Variants in SLC25A4 observed in about 807,000 individuals in gnomAD.
SLC25A4 encodes the protein solute carrier family 25 member 4.
A neutral mutation model predicts 24.7 loss-of-function variants in SLC25A4; 10 were observed. That is an observed-to-expected ratio of 0.41 (90% CI 0.25 to 0.69). The LOEUF is 0.69. Among genes scored for constraint, SLC25A4 ranks in the 30% least tolerant of loss-of-function variants. The pLI, the probability that SLC25A4 is intolerant of heterozygous loss-of-function variation, is 0.35. For synonymous variants in SLC25A4, 125 were observed against 153.3 expected (o/e 0.82, Z 1.36); for missense variants, 273 against 387.6 (o/e 0.70, Z 2.48).
In SLC25A4 at chr4:185,144,920, G is replaced by C. The variant is rs1734410437; in HGVS notation, c.268G>C (p.Ala90Pro). ...CTTCCCCACCCAAGCTCTCAACTTC[G>C]CCTTCAAGGACAAGTACAAGCAGCT... ...RYFPTQALNF[A>P]FKDKYKQLFL... The change falls in exon 2 of 4, where the codon GCC becomes CCC. Residue 90 changes from alanine (A) to proline (P), a missense_variant. Transcript: ENST00000281456. The C allele has an allele frequency of 6.2e-7, 1 of 1,614,038 alleles. No homozygotes were observed. Among genetic ancestry groups the C allele is most frequent in the Non-Finnish European group, 8.5e-7 (1 of 1,180,034 alleles).
chr4:185,144,491 T>C (rs1415712581), intron 1 of SLC25A4, among the ~76,000 whole-genome samples: 1 of 152,208 alleles, frequency 6.6e-6, no homozygotes. Context: ...TATAGCTTTA[T>C]ATAATTCAAT....
Position 185,146,859 on chromosome 4 carries a change from C to T in SLC25A4, c.785C>T (p.Ala262Val). 6.2e-7 allele frequency: 1 copy of T among 1,614,192 alleles called. No homozygotes were observed. Among genetic ancestry groups the T allele is most frequent in the Non-Finnish European group, 8.5e-7 (1 of 1,180,042 alleles). Residue 262 changes from alanine (A) to valine (V), a missense_variant, in exon 4 of 4, where the codon GCA becomes GTA. Physicochemically the swap from Ala to Val is moderately conservative, Grantham distance 64. Coordinates refer to ENST00000281456, the MANE Select transcript of SLC25A4 (RefSeq NM_001151.4). ...TGTVDCWRKI[A>V]KDEGAKAFFK... is the part of the protein sequence containing the mutation. ...ACAGTTGACTGCTGGAGGAAGATTG[C>T]AAAAGACGAAGGAGCCAAGGCCTTC...
At chr4:185,143,725 A>G (rs1243078551) in intron 1 of SLC25A4, among the ~76,000 whole-genome samples, 3 of 151,132 alleles carry the variant, frequency 2.0e-5, no homozygotes, top group East Asian at 2.0e-4. Flanking sequence ...GTGTCTATAT[A>G]TGGAAACCCA....
At position 185,149,437 on chromosome 4, in the gene SLC25A4, C is replaced by A. The variant is rs142255349; in HGVS notation, c.*2466C>A. 6.4e-4 allele frequency: 97 copies of A among 152,404 alleles called. No individual in the cohort carries two copies. Among genetic ancestry groups the A allele is most frequent in the Middle Eastern group, 6.7e-3 (2 of 298 alleles). 9.4% of individuals were successfully genotyped at this position (152,404 alleles called of 1,614,324 possible). ...CATGTGACCCAGATGTCAGCCCTTC[C>A]GCTTCCTGCGAAGGTTACCTCTAAT... On this transcript the variant is annotated 3_prime_UTR_variant, in exon 4 of 4. Coordinates refer to ENST00000281456, the MANE Select transcript of SLC25A4 (RefSeq NM_001151.4).
In SLC25A4 at chr4:185,145,066, G is replaced by A. The variant is rs762235718; in HGVS notation, c.414G>A (p.Arg138=). The change falls in exon 2 of 4, where the codon AGG becomes AGA. Residue 138 remains arginine, a synonymous_variant. Coordinates refer to ENST00000281456, the MANE Select transcript of SLC25A4 (RefSeq NM_001151.4). This position sits in a 1 kb window ranked among gnomAD's most constrained non-coding sequence, Gnocchi z 5.5. ...TTGTCTACCCGCTGGACTTTGCTAG[G>A]ACCAGGTTGGCTGCTGATGTGGGCA... is the stretch of plus-strand genomic sequence containing the variant. ...LCFVYPLDFA[R]TRLAADVGKG... is the part of the protein sequence containing the mutation. The A allele has an allele frequency of 9.9e-6, 16 of 1,613,914 alleles. No individual in the cohort carries two copies. The highest frequency in any genetic ancestry group is 1.3e-5 in the Non-Finnish European group (15 of 1,179,936).
In SLC25A4 at chr4:185,143,337, G is replaced by T. The variant is rs1422672694; in HGVS notation, c.-36G>T. ...GCCGGGCGTGGGCGAGAGCACGAAC[G>T]GGCTGCCTGCGGGCTGAGAGCGTCG... On this transcript the variant is annotated 5_prime_UTR_variant, in exon 1 of 4. Transcript: ENST00000281456. The T allele has an allele frequency of 3.8e-6, 5 of 1,310,530 alleles. No individual in the cohort carries two copies. Among genetic ancestry groups the T allele is most frequent in the Non-Finnish European group, 5.3e-6 (5 of 941,420 alleles). The allele number at this position is 1,310,530 out of a possible 1,614,324, so 81.2% of individuals were successfully genotyped here.
At position 185,145,325 on chromosome 4, in the gene SLC25A4, C is replaced by T. The variant is rs1488607030; in HGVS notation, c.598+75C>T. The T allele has an allele frequency of 2.5e-6, 4 of 1,601,790 alleles. No homozygotes were observed. The highest frequency in any genetic ancestry group is 2.2e-5 in the East Asian group (1 of 44,864). On this transcript the variant is annotated intron_variant, in intron 2 of 3. Coordinates refer to ENST00000281456, the MANE Select transcript of SLC25A4 (RefSeq NM_001151.4). This position sits in a 1 kb window ranked among gnomAD's most constrained non-coding sequence, Gnocchi z 5.5. ...TATGGGATCTATAACTCACAAAGGA[C>T]CTGATATATATTGATCTTGTTTTTT...
At position 185,147,804 on chromosome 4, in the gene SLC25A4, C is replaced by T. The variant is rs1734469560; in HGVS notation, c.*833C>T. 2 of 151,978 alleles carry T rather than the reference C, an allele frequency of 1.3e-5. No individual in the cohort carries two copies. The allele number at this position is 151,978 out of a possible 1,614,324, so 9.4% of individuals were successfully genotyped here. On this transcript the variant is annotated 3_prime_UTR_variant, in exon 4 of 4. Coordinates refer to ENST00000281456, the MANE Select transcript of SLC25A4 (RefSeq NM_001151.4). ...GACCAGCCTGGCCAACCGAGCGAAA[C>T]CCCATCTCTAATAAAAATACAAAAA...
rs1027593180 is a variant in SLC25A4 at position 185,147,609 on chromosome 4, T to C, written c.*638T>C. ...AAATCACAATCTGGAGAATTTTCTATGATTAGGAAGTGCTCTGTTTTCATC... is the reference window on the plus strand; with the variant it reads ...AAATCACAATCTGGAGAATTTTCTACGATTAGGAAGTGCTCTGTTTTCATC... On this transcript the variant is annotated 3_prime_UTR_variant, in exon 4 of 4. Coordinates refer to ENST00000281456, the MANE Select transcript of SLC25A4 (RefSeq NM_001151.4). The C allele has an allele frequency of 2.6e-5, 4 of 152,908 alleles. No homozygotes were observed. Among genetic ancestry groups the C allele is most frequent in the African/African-American group, 7.2e-5 (3 of 41,468 alleles). The allele number at this position is 152,908 out of a possible 1,614,324, so 9.5% of individuals were successfully genotyped here. A position where few individuals can be genotyped will look rare whatever the true frequency, so the allele number is the denominator to read the frequency against.
At chr4:185,143,584 T>G in intron 1 of SLC25A4, 101 bp downstream of exon 1, 1 of 274,620 alleles carries the variant, frequency 3.6e-6, no homozygotes, top group Non-Finnish European at 5.6e-6. Context: ...GCGGAAAATC[T>G]GCGCCAGGCC....
rs1203398390 is a variant in SLC25A4 at position 185,146,953 on chromosome 4, G to A, written c.879G>A (p.Glu293=). 3.1e-6 allele frequency: 5 copies of A among 1,614,012 alleles called. No homozygotes were observed. Among genetic ancestry groups the A allele is most frequent in the East Asian group, 2.2e-5 (1 of 44,880 alleles). The change falls in exon 4 of 4, where the codon GAG becomes GAA. Residue 293 remains glutamate, a synonymous_variant. Transcript: ENST00000281456. ...GGAFVLVLYD[E]IKKYV is the part of the protein sequence containing the mutation. ...CTTTTGTATTGGTGTTGTATGATGA[G>A]ATCAAAAAATATGTCTAATGTAATT...
Position 185,147,226 on chromosome 4 carries a change from T to C in SLC25A4, c.*255T>C, listed in dbSNP as rs1171557237. 1.4e-5 allele frequency: 6 copies of C among 422,776 alleles called. No homozygotes were observed. The highest frequency in any genetic ancestry group is 6.4e-5 in the South Asian group (2 of 31,336). The allele number at this position is 422,776 out of a possible 1,614,324, so 26.2% of individuals were successfully genotyped here. A position where few individuals can be genotyped will look rare whatever the true frequency, so the allele number is the denominator to read the frequency against. ...CATACTTGTACAATTAACTGAAGAA[T>C]TGATAATAACTGAATGTGAAACATC... On this transcript the variant is annotated 3_prime_UTR_variant, in exon 4 of 4. Transcript: ENST00000281456.
Position 185,145,139 on chromosome 4 carries a change from A to C in SLC25A4, c.487A>C (p.Lys163Gln). 6.2e-7 allele frequency: 1 copy of C among 1,612,992 alleles called. No individual in the cohort carries two copies. The highest frequency in any genetic ancestry group is 1.1e-5 in the South Asian group (1 of 91,042). Residue 163 changes from lysine (K) to glutamine (Q), a missense_variant, in exon 2 of 4, where the codon AAG becomes CAG. Lys to Gln is a moderately conservative substitution (Grantham distance 53). Transcript: ENST00000281456. The surrounding 1 kb of genome is among the most constrained non-coding windows in gnomAD (Gnocchi z 5.5). ...EFHGLGDCII[K>Q]IFKSDGLRGL... is the part of the protein sequence containing the mutation. ...CCATGGTCTGGGCGACTGTATCATC[A>C]AGATCTTCAAGTCTGATGGCCTGAG...
intron 1 of SLC25A4, among the ~76,000 whole-genome samples, chr4:185,144,413 C>A (rs1262753141): frequency 6.6e-6 from 1 of 152,160 alleles, no homozygotes; most frequent in East Asian, 1.9e-4. Context: ...GAGTGTTACT[C>A]ATTTCTGTCC....
rs528416282 is a variant in SLC25A4, at chr4:185,150,217, C to T, written c.*3246C>T. 1 of 152,366 alleles carries T rather than the reference C, an allele frequency of 6.6e-6. No homozygotes were observed. Among genetic ancestry groups the T allele is most frequent in the African/African-American group, 2.4e-5 (1 of 41,582 alleles). 9.4% of individuals were successfully genotyped at this position (152,366 alleles called of 1,614,324 possible). On this transcript the variant is annotated 3_prime_UTR_variant, in exon 4 of 4. Transcript: ENST00000281456. ...GCATCTAAAAAGCACAGGGAACCTA[C>T]AAAATATTTGGGAAAGGGTTTCATC...
chr4:185,143,465 G>A lies in SLC25A4; in HGVS notation c.93G>A (p.Arg31=). 1.3e-6 allele frequency: 2 copies of A among 1,490,948 alleles called. No individual in the cohort carries two copies. Among genetic ancestry groups the A allele is most frequent in the Non-Finnish European group, 1.8e-6 (2 of 1,114,582 alleles). The allele number at this position is 1,490,948 out of a possible 1,614,324, so 92.4% of individuals were successfully genotyped here. A position where few individuals can be genotyped will look rare whatever the true frequency, so the allele number is the denominator to read the frequency against. The part of the protein sequence containing the change: ...VSKTAVAPIE[R]VKLLLQVQHA... ...AGACCGCGGTCGCCCCCATCGAGAG[G>A]GTCAAACTGCTGCTGCAGGTGAGGA... Residue 31 remains arginine, a synonymous_variant, in exon 1 of 4, where the codon AGG becomes AGA. Coordinates refer to ENST00000281456, the MANE Select transcript of SLC25A4 (RefSeq NM_001151.4).
rs1268515244 is a variant in SLC25A4, at chr4:185,145,839, G to C, written c.679G>C (p.Val227Leu). Residue 227 changes from valine to leucine, a missense_variant, in exon 3 of 4, where the codon GTG becomes CTG. By Grantham distance (32) the Val-to-Leu change is conservative. Coordinates refer to ENST00000281456, the MANE Select transcript of SLC25A4 (RefSeq NM_001151.4). This position sits in a 1 kb window ranked among gnomAD's most constrained non-coding sequence, Gnocchi z 5.5. ...AQSVTAVAGL[V>L]SYPFDTVRRR... ...GAGTGTGACGGCAGTCGCAGGGCTG[G>C]TGTCCTACCCCTTTGACACTGTTCG... is the stretch of plus-strand genomic sequence containing the variant. 3 of 1,614,096 alleles carry C rather than the reference G, an allele frequency of 1.9e-6. No individual in the cohort carries two copies. The Admixed American group carries it at 5.0e-5, about 27-fold the overall frequency.
chr4:185,144,679 G>T (rs1315982742), intron 1 of SLC25A4, 85 bp from the exon 2 acceptor site: 7 of 1,351,854 alleles, frequency 5.2e-6, no homozygotes, highest in East Asian at 2.4e-5. Flanking sequence ...AAAAATCTAG[G>T]AAGTGCAAAC....
rs1734464541 is a variant in SLC25A4, at chr4:185,147,574, TA to T, written c.*607del. The T allele has an allele frequency of 6.5e-6, 1 of 152,720 alleles. No homozygotes were observed. The highest frequency in any genetic ancestry group is 1.5e-5 in the Non-Finnish European group (1 of 68,444). The allele number at this position is 152,720 out of a possible 1,614,324, so 9.5% of individuals were successfully genotyped here. A position where few individuals can be genotyped will look rare whatever the true frequency, so the allele number is the denominator to read the frequency against. ...GTCTTTAGAAATTCTAAGATTCTGC[TA>T]AAAGTTTTAAATCACAATCTGGAGA... On this transcript the variant is annotated 3_prime_UTR_variant, in exon 4 of 4. Transcript: ENST00000281456.
Sources: allele counts gnomAD v4.1 joint callset (sites outside exome capture counted in the v4.1 genomes callset), GRCh38; gene constraint gnomAD v4.1.1; non-coding constraint Gnocchi (gnomAD v3.1); transcripts MANE v1.5; gene names NCBI Gene and HGNC (gene_info 2026-07-23, HGNC 2026-07-21).